Variants in FNDC3A observed in about 807,000 individuals in gnomAD.
FNDC3A encodes fibronectin type-III domain-containing protein 3A.
A neutral mutation model predicts 148.9 loss-of-function variants in FNDC3A; 32 were observed. That is an observed-to-expected ratio of 0.21 (90% confidence interval 0.16 to 0.29). FNDC3A has a LOEUF of 0.29. FNDC3A is among the 10% of genes least tolerant of loss of function. FNDC3A has a pLI of 1.00. For missense variants in FNDC3A, 1,191 were observed against 1,452.8 expected (o/e 0.82, Z 2.93); for synonymous variants, 472 against 473.6 (o/e 1.00, Z 0.04).
chr13:49,074,234 C>G (rs1247713714), intron 2 of FNDC3A, among the ~76,000 whole-genome samples: 1 of 152,122 alleles, frequency 6.6e-6, no homozygotes, highest in Non-Finnish European at 1.5e-5. Context: ...CCCTCACACT[C>G]CCCTCTCCTC....
intron 2 of FNDC3A, among the ~76,000 whole-genome samples, chr13:49,034,410 C>T (rs1041695249): frequency 6.6e-6 from 1 of 151,948 alleles, no homozygotes; most frequent in South Asian, 2.1e-4. Context: ...ACACACTTGT[C>T]ATTTGGGTAA....
Position 49,198,254 on chromosome 13 carries a change from T to C in FNDC3A, c.2763T>C (p.Asp921=), listed in dbSNP as rs150776707. The change falls in exon 22 of 26, where the codon GAT becomes GAC. Residue 921 remains aspartate (D), a synonymous_variant. Transcript: ENST00000492622. ...TSYIINNLQP[D]TTYRIRIQAL... is the part of the protein sequence containing the mutation. ...ATATTATCAACAATTTGCAACCAGA[T>C]ACAACATACAGGTATACTCTAAAAA... The C allele has an allele frequency of 6.0e-5, 97 of 1,613,826 alleles. No individual in the cohort carries two copies. In the African/African-American group the frequency reaches 1.1e-3, roughly 19 times the overall value.
intron 3 of FNDC3A, chr13:49,110,424 C>A (rs1327305318): frequency 4.0e-6 from 6 of 1,493,206 alleles, no homozygotes; most frequent in Middle Eastern, 1.7e-4. Context: ...TTGCTGTTTT[C>A]GAACATTCTG....
At chr13:48,981,448 C>T (rs1263934168) in intron 1 of FNDC3A, among the ~76,000 whole-genome samples, 2 of 150,516 alleles carry the variant, frequency 1.3e-5, no homozygotes, top group Non-Finnish European at 3.0e-5. Context: ...AAAGTGCTTA[C>T]ATTAATGCTA....
chr13:49,117,786 GGCTTGA>G (rs751310037), intron 4 of FNDC3A, among the ~76,000 whole-genome samples: 4 of 152,146 alleles, frequency 2.6e-5, no homozygotes, highest in Non-Finnish European at 4.4e-5. Flanking sequence ...TTATATCAGA[GGCTTGA>G]GCATTAGAAA....
At chr13:49,129,294 A>G (rs79946538) in intron 4 of FNDC3A, among the ~76,000 whole-genome samples, 6,260 of 152,314 alleles carry the variant, frequency 0.041, 396 homozygotes, top group African/African-American at 0.13. Context: ...TCACTGTGAA[A>G]ACAGGTTTTT....
chr13:49,064,411 C>CCCCCCCCCA (rs1555286179), intron 2 of FNDC3A, among the ~76,000 whole-genome samples: 3 of 90,058 alleles, frequency 3.3e-5, no homozygotes, highest in Non-Finnish European at 6.4e-5. Flanking sequence ...GCCCCCCCCC[C>CCCCCCCCCA]AAAAAAAAAA....
At position 49,114,418 on chromosome 13, in the gene FNDC3A, C is replaced by T. The variant is rs544622809; in HGVS notation, c.176-237C>T. Among the ~76,000 whole-genome samples the T allele has an allele frequency of 1.7e-4, 25 of 151,452 alleles. 1 individual carries two copies. The highest frequency in any genetic ancestry group is 1.2e-4 in the Non-Finnish European group (8 of 67,868). ...TAAAAAGCCCTCCAACCTCCCCGCC[C>T]CCCACCACCCCTACCCCAGCAACTT... On this transcript the variant is annotated intron_variant, in intron 3 of 25. Coordinates refer to ENST00000492622, the MANE Select transcript of FNDC3A (RefSeq NM_001079673.2).
chr13:49,064,669 C>T (rs1877141779), intron 2 of FNDC3A, among the ~76,000 whole-genome samples: 1 of 152,046 alleles, frequency 6.6e-6, no homozygotes, highest in South Asian at 2.1e-4. Context: ...TGCCAGCACA[C>T]AGGTTGCATG....
chr13:49,116,617 C>G (rs1880978344), intron 4 of FNDC3A, among the ~76,000 whole-genome samples: 1 of 152,048 alleles, frequency 6.6e-6, no homozygotes, highest in Admixed American at 6.5e-5. Context: ...GAAACCCTGT[C>G]TCTACAAAAA....
intron 1 of FNDC3A, among the ~76,000 whole-genome samples, chr13:48,997,624 A>C (rs1952046854): frequency 6.6e-6 from 1 of 152,172 alleles, no homozygotes; most frequent in Non-Finnish European, 1.5e-5. Context: ...CAAAAGGAGA[A>C]GGTAGCCATC....
intron 2 of FNDC3A, among the ~76,000 whole-genome samples, chr13:49,061,778 T>C (rs1593536521): frequency 8.4e-5 from 1 of 11,960 alleles, no homozygotes; most frequent in Non-Finnish European, 1.6e-4. Context: ...CTCCCTCTCC[T>C]CTCCTCTCCC....
At chr13:49,147,852 T>C (rs966767599) in intron 8 of FNDC3A, among the ~76,000 whole-genome samples, 1 of 152,180 alleles carries the variant, frequency 6.6e-6, no homozygotes, top group Non-Finnish European at 1.5e-5. Context: ...CCACCAACAG[T>C]GTATAAGGGC....
At position 49,125,143 on chromosome 13, in the gene FNDC3A, A is replaced by G. The variant is rs147222489; in HGVS notation, c.253-5994A>G. Among the ~76,000 whole-genome samples the G allele has an allele frequency of 2.1e-3, 320 of 152,194 alleles. 2 individuals are homozygous for G. The highest frequency in any genetic ancestry group is 7.1e-3 in the African/African-American group (296 of 41,518). ...TCCTTTGAGCTGTGCTTGCTGTTTCATTTTGCTTTTATGATGGCACGCAGG... is the reference window on the plus strand; with the variant it reads ...TCCTTTGAGCTGTGCTTGCTGTTTCGTTTTGCTTTTATGATGGCACGCAGG... On this transcript the variant is annotated intron_variant, in intron 4 of 25. Coordinates refer to ENST00000492622, the MANE Select transcript of FNDC3A (RefSeq NM_001079673.2).
chr13:49,187,035 T>C, intron 15 of FNDC3A, 87 bp from the exon 16 acceptor site: 1 of 901,486 alleles, frequency 1.1e-6, no homozygotes, highest in South Asian at 1.8e-5. Flanking sequence ...TTTTTAAACC[T>C]AGTTTGGTAT....
chr13:49,092,257 G>A (rs1423372493), intron 3 of FNDC3A, among the ~76,000 whole-genome samples: 3 of 152,166 alleles, frequency 2.0e-5, no homozygotes, highest in African/African-American at 4.8e-5. Context: ...CAGGTCACTC[G>A]ATAAATGGGC....
At chr13:49,180,787 C>G (rs141428778) in intron 14 of FNDC3A, among the ~76,000 whole-genome samples, 1 of 151,936 alleles carries the variant, frequency 6.6e-6, no homozygotes. Context: ...CCCAACTACT[C>G]GGGAGTCTGA....
intron 19 of FNDC3A, among the ~76,000 whole-genome samples, chr13:49,192,006 T>C (rs1303990311): frequency 6.6e-6 from 1 of 152,188 alleles, no homozygotes; most frequent in African/African-American, 2.4e-5. Context: ...TAATAAGTGA[T>C]AGAGGTAAGC....
chr13:49,128,910 T>G (rs1360912612), intron 4 of FNDC3A, among the ~76,000 whole-genome samples: 1 of 152,240 alleles, frequency 6.6e-6, no homozygotes, highest in Non-Finnish European at 1.5e-5. Context: ...AAGCTTTTCT[T>G]TGCCAGTAAG....
Sources: allele counts gnomAD v4.1 joint callset (sites outside exome capture counted in the v4.1 genomes callset), GRCh38; gene constraint gnomAD v4.1.1; transcripts MANE v1.5; gene names NCBI Gene and HGNC (gene_info 2026-07-23, HGNC 2026-07-21).